Variants in KIAA1958 observed in about 807,000 individuals in gnomAD.
KIAA1958 encodes the protein KIAA1958, also known as uncharacterized protein KIAA1958.
Under a neutral mutation model 47.2 loss-of-function variants are expected in KIAA1958, and 14 were observed. The ratio of observed to expected loss-of-function variants is 0.30; its 90% confidence interval spans 0.20 to 0.46. The LOEUF (loss-of-function observed/expected upper bound fraction) is 0.46. Ranked by LOEUF, KIAA1958 falls within the 20% of genes least tolerant of loss-of-function variation. The probability of loss-of-function intolerance (pLI) is 1.00; values close to 1 mark genes in which losing one functional copy is unlikely to be tolerated. For missense variants in KIAA1958, 803 were observed against 909.2 expected (o/e 0.88, Z 1.50); for synonymous variants, 354 against 353.3 (o/e 1.00, Z -0.02).
rs889306753 is a variant in KIAA1958, at chr9:112,664,228, T to A, written c.*4159T>A. On this transcript the variant is annotated 3_prime_UTR_variant, in exon 4 of 4. Coordinates refer to ENST00000337530, the MANE Select transcript of KIAA1958 (RefSeq NM_133465.4). The stretch of plus-strand genomic sequence containing the variant: ...TTTAGGAATAAGACTTTCCTTTAAT[T>A]TTCAAGTTCCACAACTTCTAAAATT... The A allele has an allele frequency of 2.6e-5, 4 of 152,238 alleles. No homozygotes were observed. Among genetic ancestry groups the A allele is most frequent in the African/African-American group, 9.6e-5 (4 of 41,470 alleles). 9.4% of individuals were successfully genotyped at this position (152,238 alleles called of 1,614,324 possible).
intron 1 of KIAA1958, among the ~76,000 whole-genome samples, chr9:112,526,148 A>T (rs937733392): frequency 8.3e-4 from 11 of 13,270 alleles, no homozygotes; most frequent in African/African-American, 3.5e-3. Flanking sequence ...CTTTATTCTG[A>T]TATATTTCCA....
intron 2 of KIAA1958, among the ~76,000 whole-genome samples, chr9:112,635,214 T>TG (rs1836782795): frequency 7.7e-6 from 1 of 130,352 alleles, no homozygotes; most frequent in Non-Finnish European, 1.6e-5. Context: ...ATTCTTTATT[T>TG]TGTGTGTGTG....
At chr9:112,617,556 AC>A (rs1238841068) in intron 2 of KIAA1958, among the ~76,000 whole-genome samples, 2 of 152,210 alleles carry the variant, frequency 1.3e-5, no homozygotes, top group Non-Finnish European at 2.9e-5. Context: ...TTTCTGTCCC[AC>A]ATTTTTCCTA....
intron 1 of KIAA1958, among the ~76,000 whole-genome samples, chr9:112,552,060 T>C (rs1053833383): frequency 7.9e-5 from 12 of 152,202 alleles, no homozygotes; most frequent in Admixed American, 6.5e-5. Context: ...GAATGGGGAC[T>C]GGTCAGCTCA....
chr9:112,585,180 C>T (rs1168842166), intron 2 of KIAA1958, among the ~76,000 whole-genome samples: 2 of 152,190 alleles, frequency 1.3e-5, no homozygotes, highest in Non-Finnish European at 2.9e-5. Flanking sequence ...GTGACAAGCA[C>T]TGTGCTAGAC....
At chr9:112,638,481 T>C (rs1828097675) in intron 2 of KIAA1958, among the ~76,000 whole-genome samples, 1 of 152,032 alleles carries the variant, frequency 6.6e-6, no homozygotes, top group Admixed American at 6.6e-5. Flanking sequence ...CCAGCCTGGG[T>C]GACAGAGTGA....
At chr9:112,551,698 A>C (rs1211104978) in intron 1 of KIAA1958, among the ~76,000 whole-genome samples, 1 of 152,158 alleles carries the variant, frequency 6.6e-6, no homozygotes, top group Non-Finnish European at 1.5e-5. Context: ...TTTTGCAGAA[A>C]TGTCCCTTGG....
At chr9:112,534,024 C>T (rs1444859158) in intron 1 of KIAA1958, among the ~76,000 whole-genome samples, 3 of 152,156 alleles carry the variant, frequency 2.0e-5, no homozygotes, top group East Asian at 3.8e-4. Context: ...GCCTTGGAGT[C>T]ATTGGCTTGA....
chr9:112,594,592 A>G (rs768211937), intron 2 of KIAA1958, among the ~76,000 whole-genome samples: 7 of 152,202 alleles, frequency 4.6e-5, no homozygotes, highest in Non-Finnish European at 8.8e-5. Context: ...TATCCCTCAT[A>G]CACAGATACA....
At chr9:112,642,420 G>A (rs1836906436) in intron 2 of KIAA1958, among the ~76,000 whole-genome samples, 1 of 152,190 alleles carries the variant, frequency 6.6e-6, no homozygotes, top group African/African-American at 2.4e-5. Flanking sequence ...ATGTCCAATG[G>A]GACTGCCCAG....
rs1214771594 is a variant in KIAA1958, at chr9:112,660,170, T to TCC, written c.*103_*104dup. On this transcript the variant is annotated 3_prime_UTR_variant, in exon 4 of 4. Coordinates refer to ENST00000337530, the MANE Select transcript of KIAA1958 (RefSeq NM_133465.4). ...AGGCAGGGGCTGACCAGGTGTGACCTCCCGGTCTGGCGGCTCTCCCCTGGT... is the reference window on the plus strand; with the variant it reads ...AGGCAGGGGCTGACCAGGTGTGACCTCCCCCGGTCTGGCGGCTCTCCCCTGGT... 5.8e-6 allele frequency: 6 copies of TCC among 1,027,450 alleles called. No homozygotes were observed. The African/African-American group carries it at 7.9e-5, about 14-fold the overall frequency. The allele number at this position is 1,027,450 out of a possible 1,614,324, so 63.6% of individuals were successfully genotyped here. A position where few individuals can be genotyped will look rare whatever the true frequency, so the allele number is the denominator to read the frequency against.
chr9:112,521,539 A>T (rs1234536247), intron 1 of KIAA1958, among the ~76,000 whole-genome samples: 1 of 152,122 alleles, frequency 6.6e-6, no homozygotes. Context: ...ATTAATTAGA[A>T]TAATATTTTT....
chr9:112,490,195 T>C (rs1833945108), intron 1 of KIAA1958, among the ~76,000 whole-genome samples: 1 of 152,220 alleles, frequency 6.6e-6, no homozygotes, highest in Admixed American at 6.5e-5. Flanking sequence ...AGAAGCTTTT[T>C]CTCTTAAGTA....
chr9:112,523,475 A>G (rs1834588994), intron 1 of KIAA1958, among the ~76,000 whole-genome samples: 1 of 152,212 alleles, frequency 6.6e-6, no homozygotes, highest in Non-Finnish European at 1.5e-5. Context: ...TAAAGCACCA[A>G]CCGGTAGATA....
chr9:112,575,749 T>C (rs745851276), intron 2 of KIAA1958, among the ~76,000 whole-genome samples: 6 of 152,150 alleles, frequency 3.9e-5, no homozygotes, highest in Non-Finnish European at 7.4e-5. Context: ...TAAAAAGCAA[T>C]GTACATTTCT....
intron 1 of KIAA1958, among the ~76,000 whole-genome samples, chr9:112,526,518 T>C (rs1834657081): frequency 6.6e-6 from 1 of 151,846 alleles, no homozygotes; most frequent in Non-Finnish European, 1.5e-5. Context: ...AATGCTAGGA[T>C]TACAGATGTG....
At chr9:112,522,038 C>G (rs189666061) in intron 1 of KIAA1958, among the ~76,000 whole-genome samples, 98 of 152,170 alleles carry the variant, frequency 6.4e-4, no homozygotes, top group African/African-American at 2.2e-3. Flanking sequence ...GTGGTGCAAT[C>G]TTGGCTCACT....
intron 2 of KIAA1958, among the ~76,000 whole-genome samples, chr9:112,595,186 C>T (rs758471790): frequency 7.9e-5 from 12 of 152,092 alleles, no homozygotes; most frequent in Non-Finnish European, 1.6e-4. Context: ...TAAAAGGACA[C>T]ATAACTGTGA....
At position 112,528,625 on chromosome 9, in the gene KIAA1958, C is replaced by T. The variant is rs144031944; in HGVS notation, c.-25+41507C>T. 3.0e-4 allele frequency among the ~76,000 whole-genome samples: 46 copies of T among 152,232 alleles called. No homozygotes were observed. In the East Asian group the frequency reaches 8.3e-3, roughly 27 times the overall value. The stretch of plus-strand genomic sequence containing the variant: ...GCAACCTCTGCCTCCTGGGTTCAAG[C>T]GATTCTCCTGCCTCAGCCTCCCAAG... On this transcript the variant is annotated intron_variant, in intron 1 of 3. Transcript: ENST00000337530.
Sources: allele counts gnomAD v4.1 joint callset (sites outside exome capture counted in the v4.1 genomes callset), GRCh38; gene constraint gnomAD v4.1.1; transcripts MANE v1.5; gene names NCBI Gene and HGNC (gene_info 2026-07-23, HGNC 2026-07-21).